The following PRORP variants were observed in gnomAD, a reference collection of about 807,000 sequenced individuals.
The protein encoded by PRORP is protein only RNase P catalytic subunit, also known as mitochondrial ribonuclease P catalytic subunit.
Under a neutral mutation model 59.4 loss-of-function variants are expected in PRORP, and 51 were observed. That is an observed-to-expected ratio of 0.86 (90% CI 0.69 to 1.08). PRORP has a LOEUF of 1.08. Ranked by LOEUF, PRORP falls within the 50% of genes least tolerant of loss-of-function variation. PRORP has a pLI of 0.00. For synonymous variants in PRORP, 231 were observed against 245.6 expected (o/e 0.94, Z 0.55); for missense variants, 646 against 690.3 (o/e 0.94, Z 0.72).
At position 35,151,627 on chromosome 14, in the gene PRORP, TACACACACACATACACACAC is replaced by T. The variant is rs1450632407; in HGVS notation, c.1167+24028_1167+24047del. ...TCTCCATAGCACTTATCTGACATGC[TACACACACACATACACACAC>T]ACACACACACACACACACACACACA... On this transcript the variant is annotated intron_variant, in intron 4 of 7. Coordinates refer to ENST00000534898, the MANE Select transcript of PRORP (RefSeq NM_014672.4). Among the ~76,000 whole-genome samples, 3 of 125,014 alleles carry T rather than the reference TACACACACACATACACACAC, an allele frequency of 2.4e-5. No homozygotes were observed. The Admixed American group carries it at 2.6e-4, about 11-fold the overall frequency. 82.0% of individuals were successfully genotyped at this position (125,014 alleles called of 152,430 possible). A position where few individuals can be genotyped will look rare whatever the true frequency, so the allele number is the denominator to read the frequency against.
chr14:35,143,710 C>T (rs961826061), intron 4 of PRORP, among the ~76,000 whole-genome samples: 22 of 145,054 alleles, frequency 1.5e-4, no homozygotes, highest in African/African-American at 2.4e-5. Context: ...TGCAATGGCG[C>T]GATCTCGGCT....
At chr14:35,162,362 C>G (rs964309716) in intron 4 of PRORP, among the ~76,000 whole-genome samples, 23 of 152,002 alleles carry the variant, frequency 1.5e-4, no homozygotes, top group African/African-American at 5.1e-4. Context: ...CTTGAAGATT[C>G]AGTGTGTTAT....
At chr14:35,161,002 T>C (rs1178308332) in intron 4 of PRORP, among the ~76,000 whole-genome samples, 1 of 152,218 alleles carries the variant, frequency 6.6e-6, no homozygotes. Context: ...TGTAGACATA[T>C]TTTTCTTATA....
At chr14:35,238,602 AAT>A (rs1402095393) in intron 5 of PRORP, among the ~76,000 whole-genome samples, 1 of 152,220 alleles carries the variant, frequency 6.6e-6, no homozygotes, top group Non-Finnish European at 1.5e-5. Context: ...CTTTGGGAAA[AAT>A]ATGTCAACTC....
At chr14:35,227,360 C>T (rs1314147459) in intron 5 of PRORP, among the ~76,000 whole-genome samples, 5 of 151,622 alleles carry the variant, frequency 3.3e-5, no homozygotes, top group East Asian at 2.0e-4. Context: ...AGGAGAATGG[C>T]GAGAACGTGG....
intron 5 of PRORP, among the ~76,000 whole-genome samples, chr14:35,252,297 C>G (rs2050634796): frequency 1.3e-5 from 2 of 152,060 alleles, no homozygotes; most frequent in Admixed American, 1.3e-4. Flanking sequence ...GGGGCACATG[C>G]CTGTGGTCCC....
intron 5 of PRORP, chr14:35,235,588 G>C: frequency 2.0e-6 from 1 of 509,028 alleles, no homozygotes; most frequent in South Asian, 1.9e-5. Context: ...GTCTTTTAGT[G>C]GGGACGTCCC....
chr14:35,256,887 T>G (rs74422990), intron 5 of PRORP, among the ~76,000 whole-genome samples: 18,363 of 151,170 alleles, frequency 0.12, 1,064 homozygotes, highest in Middle Eastern at 0.21. Flanking sequence ...TTTTTTTCTT[T>G]TTTGAGACCG....
chr14:35,249,831 T>C (rs2050569913), intron 5 of PRORP, among the ~76,000 whole-genome samples: 2 of 152,186 alleles, frequency 1.3e-5, no homozygotes, highest in African/African-American at 2.4e-5. Context: ...ACATTTAAAA[T>C]TAATTTGCTC....
chr14:35,242,846 G>A (rs996554186), intron 5 of PRORP, among the ~76,000 whole-genome samples: 1 of 152,186 alleles, frequency 6.6e-6, no homozygotes. Flanking sequence ...CTTACCAGCA[G>A]AGGAGAAAGA....
intron 4 of PRORP, among the ~76,000 whole-genome samples, chr14:35,142,525 TAAAAA>T (rs71435859): frequency 1.5e-5 from 2 of 133,372 alleles, no homozygotes; most frequent in African/African-American, 5.1e-5. Context: ...ATTTTTAAAT[TAAAAA>T]AAAAAAAATT....
chr14:35,246,451 C>T (rs558316761), intron 5 of PRORP, among the ~76,000 whole-genome samples: 7 of 152,280 alleles, frequency 4.6e-5, no homozygotes, highest in Non-Finnish European at 8.8e-5. Context: ...TTAGTTCAGC[C>T]ACACACTTCC....
intron 5 of PRORP, among the ~76,000 whole-genome samples, chr14:35,261,357 C>T (rs2138635514): frequency 6.6e-6 from 1 of 152,274 alleles, no homozygotes; most frequent in Middle Eastern, 3.4e-3. Context: ...GGGAGAAGTA[C>T]ATCTACTCCA....
chr14:35,189,430 CTTT>C (rs35474589), intron 5 of PRORP, among the ~76,000 whole-genome samples: 1 of 133,816 alleles, frequency 7.5e-6, no homozygotes, highest in Admixed American at 7.3e-5. Flanking sequence ...AAATTCTGAG[CTTT>C]TTTTTTTTTT....
chr14:35,121,906 T>G (rs1218935418), upstream of PRORP: 3 of 1,614,018 alleles, frequency 1.9e-6, no homozygotes, highest in Non-Finnish European at 2.5e-6. Flanking sequence ...ACTCACTGTT[T>G]GGACAGGTGT....
At chr14:35,254,239 G>A (rs993022078) in intron 5 of PRORP, among the ~76,000 whole-genome samples, 1 of 151,862 alleles carries the variant, frequency 6.6e-6, no homozygotes, top group African/African-American at 2.4e-5. Context: ...CATTTTTACT[G>A]CCAGTTTTCT....
At chr14:35,132,291 C>T (rs2047263012) in intron 4 of PRORP, among the ~76,000 whole-genome samples, 1 of 148,478 alleles carries the variant, frequency 6.7e-6, no homozygotes, top group Non-Finnish European at 1.5e-5. Flanking sequence ...AACCCCGTCT[C>T]TACAAAATAT....
intron 4 of PRORP, among the ~76,000 whole-genome samples, chr14:35,152,636 G>A (rs2047794417): frequency 6.6e-6 from 1 of 152,032 alleles, no homozygotes; most frequent in Non-Finnish European, 1.5e-5. Flanking sequence ...CTCCCAGACA[G>A]GGCGGCTGCC....
rs1184251482 is a variant in PRORP, at chr14:35,240,731, T to C, written c.1276-25996T>C. Among the ~76,000 whole-genome samples the C allele has an allele frequency of 3.3e-5, 5 of 152,178 alleles. No homozygotes were observed. The East Asian group carries it at 9.6e-4, about 29-fold the overall frequency. On this transcript the variant is annotated intron_variant, in intron 5 of 7. Transcript: ENST00000534898. ...ATTTCTACCTCCTTGTTCCTCCTCC[T>C]CCACATTGATTAAATCAACAAATTC...
Sources: gnomAD v4.1 joint callset for allele counts (sites outside exome capture counted in the v4.1 genomes callset) on GRCh38, gnomAD v4.1.1 for gene constraint, MANE v1.5 for transcripts, NCBI Gene and HGNC (gene_info 2026-07-23, HGNC 2026-07-21) for gene names.